PPP1R42: variants seen among roughly 807,000 people sequenced by gnomAD.
The protein encoded by PPP1R42 is protein phosphatase 1 regulatory subunit 42.
Under a neutral mutation model 31.0 loss-of-function variants are expected in PPP1R42, and 34 were observed. The ratio of observed to expected loss-of-function variants is 1.10; its 90% CI spans 0.83 to 1.46. The LOEUF (loss-of-function observed/expected upper bound fraction) is 1.46. PPP1R42 is among the 40% of genes most tolerant of loss of function. The pLI is 0.00. For synonymous variants in PPP1R42, 103 were observed against 109.8 expected (o/e 0.94, Z 0.39); for missense variants, 268 against 303.0 (o/e 0.88, Z 0.86).
chr8:67,022,328 T>C (rs568376013), intron 1 of PPP1R42, among the ~76,000 whole-genome samples: 2 of 152,336 alleles, frequency 1.3e-5, no homozygotes, highest in Non-Finnish European at 2.9e-5. Flanking sequence ...CTATTTCTTA[T>C]ATTTTGCCCA....
chr8:66,993,899 A>T (rs1310821547), intron 5 of PPP1R42, among the ~76,000 whole-genome samples: 1 of 152,238 alleles, frequency 6.6e-6, no homozygotes, highest in Non-Finnish European at 1.5e-5. Context: ...TAGAAGCAGG[A>T]CAGGAATTAT....
intron 4 of PPP1R42, among the ~76,000 whole-genome samples, chr8:67,012,595 C>T (rs1246030266): frequency 6.6e-6 from 1 of 152,188 alleles, no homozygotes; most frequent in Non-Finnish European, 1.5e-5. Flanking sequence ...CAAATAATTG[C>T]ACATTCCTCT....
intron 4 of PPP1R42, among the ~76,000 whole-genome samples, chr8:67,011,996 C>T (rs1289000280): frequency 2.6e-5 from 4 of 152,110 alleles, no homozygotes; most frequent in Admixed American, 1.3e-4. Context: ...TGAGGCCGGG[C>T]ACGGTGGCTC....
chr8:66,996,636 T>G (rs1048409941), intron 5 of PPP1R42, among the ~76,000 whole-genome samples: 1 of 152,226 alleles, frequency 6.6e-6, no homozygotes, highest in Non-Finnish European at 1.5e-5. Context: ...CTCTCCTGTT[T>G]AGGTGGAATA....
intron 7 of PPP1R42, among the ~76,000 whole-genome samples, chr8:66,977,168 G>A (rs777760082): frequency 6.6e-6 from 1 of 151,756 alleles, no homozygotes; most frequent in Non-Finnish European, 1.5e-5. Flanking sequence ...GAATAGCTGG[G>A]ATTACAGGCG....
chr8:67,028,229 C>A (rs1379469596), intron 1 of PPP1R42, among the ~76,000 whole-genome samples: 20 of 152,190 alleles, frequency 1.3e-4, no homozygotes, highest in Admixed American at 1.3e-3. Flanking sequence ...CCACGCCCAC[C>A]GGGCTGCTTC....
chr8:67,006,672 C>T (rs1039624895), intron 5 of PPP1R42, among the ~76,000 whole-genome samples: 3 of 140,750 alleles, frequency 2.1e-5, no homozygotes, highest in African/African-American at 8.0e-5. Context: ...CCCGGCCTTG[C>T]TTATGTATTT....
At chr8:67,022,978 G>A (rs1380551726) in intron 1 of PPP1R42, among the ~76,000 whole-genome samples, 1 of 152,112 alleles carries the variant, frequency 6.6e-6, no homozygotes, top group Non-Finnish European at 1.5e-5. Context: ...ATGAAGCACT[G>A]ACATTTCTCT....
chr8:67,017,802 G>C lies in PPP1R42; in HGVS notation c.-55C>G. On this transcript the variant is annotated 5_prime_UTR_variant, in exon 2 of 8. Coordinates refer to ENST00000685739, the MANE Select transcript of PPP1R42 (RefSeq NM_001364910.1). ...AAGCTCTGTTTTGACACCATGTCAA[G>C]AAGTAGGTTTAGGTATTATTTCCAA... 4 of 1,509,820 alleles carry C rather than the reference G, an allele frequency of 2.6e-6. No homozygotes were observed. The highest frequency in any genetic ancestry group is 3.5e-6 in the Non-Finnish European group (4 of 1,133,010). 93.5% of individuals were successfully genotyped at this position (1,509,820 alleles called of 1,614,324 possible). A position where few individuals can be genotyped will look rare whatever the true frequency, so the allele number is the denominator to read the frequency against.
chr8:67,014,492 A>C lies in PPP1R42; in HGVS notation c.230T>G (p.Leu77Trp). ...NLNYATNLTH[L>W]YLQNNCISCI... ...TGAAATACAATTGTTTTGTAGGTACAAGTGGGTCAGATTTGTGGCATAATT... is the reference window on the plus strand; with the variant it reads ...TGAAATACAATTGTTTTGTAGGTACCAGTGGGTCAGATTTGTGGCATAATT... The change falls in exon 3 of 8, where the codon TTG (leucine) becomes TGG (tryptophan). Residue 77 changes from leucine (L) to tryptophan (W), a missense_variant. Leu to Trp is a moderately conservative substitution (Grantham distance 61). Coordinates refer to ENST00000685739, the MANE Select transcript of PPP1R42 (RefSeq NM_001364910.1). 1 of 1,596,480 alleles carries C rather than the reference A, an allele frequency of 6.3e-7. No individual in the cohort carries two copies. Among genetic ancestry groups the C allele is most frequent in the Non-Finnish European group, 8.6e-7 (1 of 1,168,818 alleles).
At chr8:67,003,113 C>T (rs1324935669) in intron 5 of PPP1R42, among the ~76,000 whole-genome samples, 12 of 143,492 alleles carry the variant, frequency 8.4e-5, no homozygotes, top group Non-Finnish European at 1.5e-4. Context: ...TTGCAGTGAG[C>T]TGAGATCGCA....
chr8:67,010,794 ATAT>A lies in PPP1R42; in HGVS notation c.470_472del (p.Asn157del). On this transcript the variant is annotated inframe_deletion, in exon 5 of 8. Coordinates refer to ENST00000685739, the MANE Select transcript of PPP1R42 (RefSeq NM_001364910.1). ...TAGTTCTAAGTCTGTAATGTCATCA[ATAT>A]TATTATTGCTGATATTCAATATACA... The A allele has an allele frequency of 6.2e-7, 1 of 1,604,588 alleles. No individual in the cohort carries two copies.
At chr8:66,985,792 A>G (rs1814991253) in intron 6 of PPP1R42, 2 of 1,225,260 alleles carry the variant, frequency 1.6e-6, no homozygotes, top group South Asian at 2.5e-5. Context: ...TGCTGCGTCC[A>G]TCATCTGTTT....
At chr8:66,989,350 C>T (rs1212904368) in intron 5 of PPP1R42, among the ~76,000 whole-genome samples, 1 of 152,138 alleles carries the variant, frequency 6.6e-6, no homozygotes, top group African/African-American at 2.4e-5. Context: ...ATTTGGGTTT[C>T]TTTTCCTATC....
chr8:67,017,730 C>T lies in PPP1R42; in HGVS notation c.18G>A (p.Leu6=), dbSNP rs750390811. ...GATTGCTGTTTCTGGCAATTAGATC[C>T]AAGGTCAGTCGAACCATAATTTCTT... MVRLT[L]DLIARNSNLK... Residue 6 remains leucine (L), a synonymous_variant, in exon 2 of 8, where the codon TTG becomes TTA. Coordinates refer to ENST00000685739, the MANE Select transcript of PPP1R42 (RefSeq NM_001364910.1). 6.3e-7 allele frequency: 1 copy of T among 1,590,382 alleles called. No individual in the cohort carries two copies. The highest frequency in any genetic ancestry group is 1.7e-5 in the Admixed American group (1 of 57,432).
intron 5 of PPP1R42, among the ~76,000 whole-genome samples, chr8:66,998,560 GC>G (rs1262527150): frequency 6.6e-6 from 1 of 152,068 alleles, no homozygotes; most frequent in Non-Finnish European, 1.5e-5. Flanking sequence ...TGGCCTTATT[GC>G]ACTGGCTAAG....
intron 7 of PPP1R42, among the ~76,000 whole-genome samples, chr8:66,971,459 C>A (rs934250539): frequency 1.3e-5 from 2 of 152,054 alleles, no homozygotes; most frequent in Non-Finnish European, 2.9e-5. Flanking sequence ...GTAAATTAAT[C>A]GTGTATCGTT....
intron 5 of PPP1R42, among the ~76,000 whole-genome samples, chr8:67,006,839 C>T (rs370826101): frequency 6.6e-5 from 10 of 150,762 alleles, no homozygotes; most frequent in African/African-American, 2.2e-4. Flanking sequence ...CTATGCCTCC[C>T]GGGTTCACAC....
At position 67,014,493 on chromosome 8, in the gene PPP1R42, A is replaced by C; in HGVS notation, c.229T>G (p.Leu77Val). ...NLNYATNLTH[L>V]YLQNNCISCI... Reference sequence around the variant, plus strand: ...GAAATACAATTGTTTTGTAGGTACAAGTGGGTCAGATTTGTGGCATAATTC... The same window carrying C: ...GAAATACAATTGTTTTGTAGGTACACGTGGGTCAGATTTGTGGCATAATTC... The change falls in exon 3 of 8, where the codon TTG (leucine) becomes GTG (valine). Residue 77 changes from leucine (L) to valine (V), a missense_variant. Physicochemically the swap from Leu to Val is conservative, Grantham distance 32. Transcript: ENST00000685739. 4 of 1,595,276 alleles carry C rather than the reference A, an allele frequency of 2.5e-6. No homozygotes were observed. The South Asian group carries it at 4.5e-5, about 18-fold the overall frequency.
Sources: gnomAD v4.1 joint callset for allele counts (sites outside exome capture counted in the v4.1 genomes callset) on GRCh38, gnomAD v4.1.1 for gene constraint, MANE v1.5 for transcripts, NCBI Gene and HGNC (gene_info 2026-07-23, HGNC 2026-07-21) for gene names.